The following AKAP9 variants were observed in gnomAD, a reference collection of about 807,000 sequenced individuals.
AKAP9 encodes A-kinase anchor protein 9.
A neutral mutation model predicts 488.5 loss-of-function variants in AKAP9; 311 were observed. The observed-to-expected ratio is 0.64, with a 90% CI of 0.58 to 0.70. AKAP9 has a LOEUF of 0.70. Among genes scored for constraint, AKAP9 ranks in the 30% least tolerant of loss-of-function variants. The probability of loss-of-function intolerance (pLI) is 0.00; values close to 1 mark genes in which losing one functional copy is unlikely to be tolerated. For missense variants in AKAP9, 4,215 were observed against 4,374.5 expected (o/e 0.96, Z 1.03); for synonymous variants, 1,462 against 1,483.5 (o/e 0.99, Z 0.33).
At chr7:92,027,191 AGT>A (rs1803367811) in intron 14 of AKAP9, among the ~76,000 whole-genome samples, 2 of 141,260 alleles carry the variant, frequency 1.4e-5, no homozygotes, top group Non-Finnish European at 1.5e-5. Context: ...GGAAGTGAGG[AGT>A]GCCTCTGCCC....
intron 1 of AKAP9, among the ~76,000 whole-genome samples, chr7:91,959,356 G>C (rs763764888): frequency 1.3e-5 from 2 of 151,842 alleles, no homozygotes; most frequent in Non-Finnish European, 2.9e-5. Context: ...GTGCGGTGAT[G>C]TGATCCTAGC....
rs370407722 is a variant in AKAP9 at position 92,093,421 on chromosome 7, A to C, written c.9578+105A>C. On this transcript the variant is annotated intron_variant, in intron 39 of 49. Transcript: ENST00000356239. The stretch of plus-strand genomic sequence containing the variant: ...AATGTAACATGCATGATATTTAAAT[A>C]GCATGCAACTGTTTTTTTTAGGAAA... 10 of 969,068 alleles carry C rather than the reference A, an allele frequency of 1.0e-5. 1 individual carries two copies. The highest frequency in any genetic ancestry group is 2.6e-5 in the East Asian group (1 of 38,530). The allele number at this position is 969,068 out of a possible 1,614,324, so 60.0% of individuals were successfully genotyped here.
chr7:92,093,018 C>T, intron 38 of AKAP9, 79 bp from the exon 39 acceptor site: 1 of 1,233,370 alleles, frequency 8.1e-7, no homozygotes, highest in Non-Finnish European at 1.2e-6. Flanking sequence ...AACTACAAAT[C>T]AGTTCTTATC....
chr7:92,045,171 G>A lies in AKAP9; in HGVS notation c.5326G>A (p.Glu1776Lys), dbSNP rs758720389. ...SASLIWRSEA[E>K]ASVKSCVHEE... ...CAGCCTAATTTGGAGGTCAGAAGCA[G>A]AGGCATCTGTAAAGTCATGTGTCCA... Residue 1776 changes from glutamate (E) to lysine (K), a missense_variant, in exon 21 of 50, where the codon GAG becomes AAG. Around this residue, in one of 5 missense-constraint regions of AKAP9, gnomAD observed 2,361 missense variants for 2,430.0 expected, o/e 0.97. Transcript: ENST00000356239. 2 of 1,613,854 alleles carry A rather than the reference G, an allele frequency of 1.2e-6. No homozygotes were observed. Among genetic ancestry groups the A allele is most frequent in the Non-Finnish European group, 1.7e-6 (2 of 1,179,970 alleles).
At chr7:92,106,266 T>C (rs1049614031) in intron 47 of AKAP9, among the ~76,000 whole-genome samples, 1 of 152,230 alleles carries the variant, frequency 6.6e-6, no homozygotes, top group Non-Finnish European at 1.5e-5. Flanking sequence ...AGGGTAATAA[T>C]AACTGATTTT....
rs1471873171 is a variant in AKAP9 at position 92,083,500 on chromosome 7, A to G, written c.8491A>G (p.Met2831Val). ...ISQFTEKIEKMQELHAAEILD... is the reference protein window; with the variant it reads ...ISQFTEKIEKVQELHAAEILD... ...TCAGTTTACTGAAAAAATTGAGAAG[A>G]TGCAAGAACTACATGCTGCTGAAAT... Residue 2831 changes from methionine to valine, a missense_variant, in exon 33 of 50, where the codon ATG (methionine) becomes GTG (valine). Met to Val is a conservative substitution (Grantham distance 21). This residue lies in a region of AKAP9 where 1,476 missense variants were observed against 1,477.4 expected (regional missense o/e 1.00). Coordinates refer to ENST00000356239, the MANE Select transcript of AKAP9 (RefSeq NM_005751.5). 6.2e-7 allele frequency: 1 copy of G among 1,611,644 alleles called. No homozygotes were observed.
chr7:92,017,242 G>A, intron 12 of AKAP9, 140 bp downstream of exon 12: 1 of 688,720 alleles, frequency 1.5e-6, no homozygotes, highest in Non-Finnish European at 2.5e-6. Context: ...TATATTTGTA[G>A]TAGATAATTT....
chr7:91,946,039 T>A (rs189800536), intron 1 of AKAP9, among the ~76,000 whole-genome samples: 19 of 152,358 alleles, frequency 1.2e-4, no homozygotes, highest in African/African-American at 4.6e-4. Flanking sequence ...ACATGACTTT[T>A]GTTTAACAAA....
At position 92,102,862 on chromosome 7, in the gene AKAP9, ACT is replaced by A. The variant is rs773727177; in HGVS notation, c.11330+41_11330+42del. On this transcript the variant is annotated intron_variant, in intron 46 of 49. Coordinates refer to ENST00000356239, the MANE Select transcript of AKAP9 (RefSeq NM_005751.5). ...GAAGGAAAATGCATTTTACTAGTAGACTCTCTAAAAGGATTAGTTATTTTTAA... is the reference window on the plus strand; with the variant it reads ...GAAGGAAAATGCATTTTACTAGTAGACTCTAAAAGGATTAGTTATTTTTAA... 4 of 1,522,902 alleles carry A rather than the reference ACT, an allele frequency of 2.6e-6. No individual in the cohort carries two copies. In the Admixed American group the frequency reaches 6.7e-5, roughly 25 times the overall value. 94.3% of individuals were successfully genotyped at this position (1,522,902 alleles called of 1,614,324 possible). A position where few individuals can be genotyped will look rare whatever the true frequency, so the allele number is the denominator to read the frequency against.
intron 26 of AKAP9, among the ~76,000 whole-genome samples, chr7:92,067,267 G>C (rs891098571): frequency 6.6e-6 from 1 of 152,060 alleles, no homozygotes; most frequent in Non-Finnish European, 1.5e-5. Flanking sequence ...TTCCAGCATT[G>C]GATATCCAGT....
At chr7:91,979,896 A>G (rs1466052315) in intron 2 of AKAP9, among the ~76,000 whole-genome samples, 1 of 152,154 alleles carries the variant, frequency 6.6e-6, no homozygotes, top group Non-Finnish European at 1.5e-5. Flanking sequence ...TTTCCATTTT[A>G]ATATTTTCTA....
intron 17 of AKAP9, among the ~76,000 whole-genome samples, chr7:92,039,192 C>G (rs1805656173): frequency 6.6e-6 from 1 of 152,166 alleles, no homozygotes; most frequent in Admixed American, 6.5e-5. Context: ...GCATGAGCCA[C>G]CGTGCCCAGC....
chr7:92,093,183 G>C lies in AKAP9; in HGVS notation c.9445G>C (p.Glu3149Gln), dbSNP rs1456728496. The stretch of plus-strand genomic sequence containing the variant: ...CAGCAGTATGAAAGACAGAGCAACG[G>C]AACTGCAGGAGCAGCTGAGTTCTGA... ...ELSSMKDRAT[E>Q]LQEQLSSEKM... Residue 3149 changes from glutamate (E) to glutamine (Q), a missense_variant, in exon 39 of 50, where the codon GAA (glutamate) becomes CAA (glutamine). By Grantham distance (29) the Glu-to-Gln change is conservative. Around this residue, in one of 5 missense-constraint regions of AKAP9, gnomAD observed 1,476 missense variants for 1,477.4 expected, o/e 1.00. Coordinates refer to ENST00000356239, the MANE Select transcript of AKAP9 (RefSeq NM_005751.5). 1.9e-6 allele frequency: 3 copies of C among 1,614,068 alleles called. No individual in the cohort carries two copies. The highest frequency in any genetic ancestry group is 2.7e-5 in the African/African-American group (2 of 74,932).
At chr7:92,090,103 A>G (rs994422716) in intron 38 of AKAP9, 2 of 152,370 alleles carry the variant, frequency 1.3e-5, no homozygotes, top group African/African-American at 4.8e-5. Context: ...ATCTATTTAT[A>G]TATTCCTAAA....
In AKAP9 at chr7:91,995,488, G is replaced by A. The variant is rs139836200; in HGVS notation, c.733-115G>A. Reference sequence around the variant, plus strand: ...GTCAGCCAAGGTAGCATGTTTGCTAGGGTCTCAAGCCTGCAGAGTTCCCAG... The same window carrying A: ...GTCAGCCAAGGTAGCATGTTTGCTAAGGTCTCAAGCCTGCAGAGTTCCCAG... On this transcript the variant is annotated intron_variant, in intron 6 of 49. Coordinates refer to ENST00000356239, the MANE Select transcript of AKAP9 (RefSeq NM_005751.5). 3.6e-4 allele frequency: 299 copies of A among 841,608 alleles called. 3 individuals carry two copies. The East Asian group carries it at 7.0e-3, about 20-fold the overall frequency. 52.1% of individuals were successfully genotyped at this position (841,608 alleles called of 1,614,324 possible).
chr7:92,024,779 A>G (rs540837900), intron 14 of AKAP9, among the ~76,000 whole-genome samples: 61 of 152,216 alleles, frequency 4.0e-4, no homozygotes, highest in Non-Finnish European at 8.2e-4. Flanking sequence ...GACACTTGCT[A>G]GTAAAACCTC....
chr7:92,102,922 T>C, intron 46 of AKAP9, 96 bp downstream of exon 46: 2 of 1,114,538 alleles, frequency 1.8e-6, no homozygotes, highest in Non-Finnish European at 2.6e-6. Flanking sequence ...TTATACTCTA[T>C]ATTTATATAG....
intron 9 of AKAP9, among the ~76,000 whole-genome samples, chr7:92,012,962 G>GTGGGGT (rs1800958226): frequency 6.7e-6 from 1 of 148,968 alleles, no homozygotes; most frequent in South Asian, 2.1e-4. Flanking sequence ...GTAGACAGTG[G>GTGGGGT]TGGGGTTGGA....
chr7:92,101,267 T>C (rs1817473125), intron 45 of AKAP9, among the ~76,000 whole-genome samples: 1 of 152,090 alleles, frequency 6.6e-6, no homozygotes, highest in Admixed American at 6.6e-5. Flanking sequence ...AAACCCCGTC[T>C]CTACTAAAAA....
Sources: gnomAD v4.1 joint callset for allele counts (sites outside exome capture counted in the v4.1 genomes callset) on GRCh38, gnomAD v4.1.1 for gene constraint, gnomAD v4.1.1 regional missense constraint, MANE v1.5 for transcripts, NCBI Gene and HGNC (gene_info 2026-07-23, HGNC 2026-07-21) for gene names.